Variants in CRIM1 observed in about 807,000 individuals in gnomAD.
CRIM1 encodes the protein cysteine rich transmembrane BMP regulator 1.
CRIM1 carries 32 observed loss-of-function variants against 116.4 expected under a neutral mutation model. The observed-to-expected ratio is 0.27, with a 90% CI of 0.21 to 0.37. The LOEUF is 0.37. Among genes scored for constraint, CRIM1 ranks in the 10% least tolerant of loss-of-function variants. The pLI is 1.00. For synonymous variants in CRIM1, 590 were observed against 509.2 expected (o/e 1.16, Z -2.13); for missense variants, 1,331 against 1,354.8 (o/e 0.98, Z 0.28).
intron 8 of CRIM1, among the ~76,000 whole-genome samples, chr2:36,506,177 TCTCTCACACACACA>T (rs773996229): frequency 4.5e-4 from 39 of 86,306 alleles, no homozygotes; most frequent in African/African-American, 1.2e-3. Context: ...TCTCTCTCTC[TCTCTCACACACACA>T]CACACACACA....
chr2:36,356,645 C>G lies in CRIM1; in HGVS notation c.331+22C>G. ...GAAGGTACGGCCGCCCGCTGCGGGC[C>G]CCCTCCCACCTGGCCTGCGCCGCCC... On this transcript the variant is annotated intron_variant, in intron 1 of 16. Transcript: ENST00000280527. The surrounding 1 kb of genome is among the most constrained non-coding windows in gnomAD (Gnocchi z 4.3). 6.3e-7 allele frequency: 1 copy of G among 1,593,832 alleles called. No individual in the cohort carries two copies. Among genetic ancestry groups the G allele is most frequent in the South Asian group, 1.1e-5 (1 of 88,788 alleles).
At chr2:36,522,814 AAGAAG>A (rs1161305076) in intron 13 of CRIM1, among the ~76,000 whole-genome samples, 2 of 140,572 alleles carry the variant, frequency 1.4e-5, no homozygotes, top group Non-Finnish European at 3.1e-5. Flanking sequence ...AAAAAAAAAA[AAGAAG>A]AAGAAGAAGA....
Position 36,537,403 on chromosome 2 carries a change from C to G in CRIM1, c.2480C>G (p.Ala827Gly). 6.2e-7 allele frequency: 1 copy of G among 1,614,208 alleles called. No homozygotes were observed. The highest frequency in any genetic ancestry group is 2.2e-5 in the East Asian group (1 of 44,890). ...VVCHFSGKAY[A>G]DEERWDLDSC... ...TGCCACTTCAGTGGGAAGGCCTATG[C>G]CGACGAGGAGCGGTGGGACCTTGAC... Residue 827 changes from alanine to glycine, a missense_variant, in exon 14 of 17, where the codon GCC becomes GGC. Physicochemically the swap from Ala to Gly is moderately conservative, Grantham distance 60. Coordinates refer to ENST00000280527, the MANE Select transcript of CRIM1 (RefSeq NM_016441.3).
chr2:36,408,290 T>C (rs1319595840), intron 2 of CRIM1, among the ~76,000 whole-genome samples: 1 of 152,228 alleles, frequency 6.6e-6, no homozygotes, highest in Non-Finnish European at 1.5e-5. Flanking sequence ...ACATGTTCAC[T>C]GCTGGGGTAG....
intron 13 of CRIM1, among the ~76,000 whole-genome samples, chr2:36,529,684 T>C (rs1332663992): frequency 6.6e-6 from 1 of 152,142 alleles, no homozygotes; most frequent in African/African-American, 2.4e-5. Context: ...TACTGAGAAA[T>C]TGTGTCCTCT....
At chr2:36,533,972 G>A (rs146169479) in intron 13 of CRIM1, among the ~76,000 whole-genome samples, 2,541 of 145,512 alleles carry the variant, frequency 0.017, 35 homozygotes, top group Non-Finnish European at 0.026. Context: ...GAGGGAAAGG[G>A]AAGGAAGGAG....
In CRIM1 at chr2:36,537,281, T is replaced by G. The variant is rs1015833985; in HGVS notation, c.2429-71T>G. ...GTGATTATACAAAGCTATCCCTTGATCTCTCACGTCTAATAAGATCGTGTG... is the reference window on the plus strand; with the variant it reads ...GTGATTATACAAAGCTATCCCTTGAGCTCTCACGTCTAATAAGATCGTGTG... On this transcript the variant is annotated intron_variant, in intron 13 of 16. Coordinates refer to ENST00000280527, the MANE Select transcript of CRIM1 (RefSeq NM_016441.3). The G allele has an allele frequency of 1.5e-5, 20 of 1,368,158 alleles. No homozygotes were observed. In the African/African-American group the frequency reaches 2.0e-4, roughly 14 times the overall value. 84.8% of individuals were successfully genotyped at this position (1,368,158 alleles called of 1,614,324 possible).
chr2:36,509,874 G>C lies in CRIM1; in HGVS notation c.1502-109G>C, dbSNP rs1681693948. The C allele has an allele frequency of 3.1e-6, 3 of 957,470 alleles. No homozygotes were observed. The South Asian group carries it at 5.2e-5, about 16-fold the overall frequency. 59.3% of individuals were successfully genotyped at this position (957,470 alleles called of 1,614,324 possible). A position where few individuals can be genotyped will look rare whatever the true frequency, so the allele number is the denominator to read the frequency against. On this transcript the variant is annotated intron_variant, in intron 8 of 16. Transcript: ENST00000280527. ...ATAACCAGTGCCATGGTAGAGCTGA[G>C]AAATTGAGATCTGTGGAAGAGTGGA...
chr2:36,445,270 C>G (rs1379796497), intron 4 of CRIM1, among the ~76,000 whole-genome samples: 1 of 152,184 alleles, frequency 6.6e-6, no homozygotes, highest in Non-Finnish European at 1.5e-5. Flanking sequence ...CCCCCAGTCC[C>G]CACTTTATGG....
rs1005677587 is a variant in CRIM1, at chr2:36,356,222, C to T, written c.-71C>T. The T allele has an allele frequency of 1.1e-5, 9 of 793,546 alleles. No homozygotes were observed. Among genetic ancestry groups the T allele is most frequent in the Non-Finnish European group, 3.4e-6 (2 of 588,528 alleles). The allele number at this position is 793,546 out of a possible 1,614,324, so 49.2% of individuals were successfully genotyped here. On this transcript the variant is annotated 5_prime_UTR_variant, in exon 1 of 17. Coordinates refer to ENST00000280527, the MANE Select transcript of CRIM1 (RefSeq NM_016441.3). This position sits in a 1 kb window ranked among gnomAD's most constrained non-coding sequence, Gnocchi z 4.3. ...GGTGCGGCGGCGGCGGCGCGTGTGC[C>T]CCGCGCAGGGGAGGGCGCCCGCCCC...
At chr2:36,431,929 C>G (rs1292307259) in intron 2 of CRIM1, among the ~76,000 whole-genome samples, 1 of 152,188 alleles carries the variant, frequency 6.6e-6, no homozygotes, top group Non-Finnish European at 1.5e-5. Context: ...TACCGTGTCC[C>G]TTCCTCAGTG....
At chr2:36,519,101 AGGATC>A (rs3836076) in intron 12 of CRIM1, among the ~76,000 whole-genome samples, 43,390 of 151,980 alleles carry the variant, frequency 0.29, 6,512 homozygotes, top group Middle Eastern at 0.43. Context: ...TATTTGTGTT[AGGATC>A]TGAGTGATGA....
intron 5 of CRIM1, among the ~76,000 whole-genome samples, chr2:36,467,022 C>T (rs777742031): frequency 4.6e-5 from 7 of 152,166 alleles, no homozygotes; most frequent in Non-Finnish European, 7.3e-5. Context: ...TACTAATAGC[C>T]GTACCTCCAC....
At chr2:36,468,591 GA>G (rs774752082) in intron 5 of CRIM1, among the ~76,000 whole-genome samples, 18 of 152,192 alleles carry the variant, frequency 1.2e-4, no homozygotes, top group Non-Finnish European at 2.4e-4. Flanking sequence ...TCATCACCTA[GA>G]AATATGACCT....
intron 7 of CRIM1, among the ~76,000 whole-genome samples, chr2:36,481,128 A>G (rs755706301): frequency 7.4e-4 from 112 of 152,254 alleles, no homozygotes; most frequent in Non-Finnish European, 1.1e-3. Flanking sequence ...GTCTTATGTC[A>G]TAAATTCAAA....
At chr2:36,452,402 C>G (rs1333750479) in intron 4 of CRIM1, among the ~76,000 whole-genome samples, 1 of 152,138 alleles carries the variant, frequency 6.6e-6, no homozygotes, top group Non-Finnish European at 1.5e-5. Context: ...AAAAGAACAT[C>G]TATTCTGTTG....
At chr2:36,457,597 G>T (rs1055314058) in intron 4 of CRIM1, among the ~76,000 whole-genome samples, 1 of 151,918 alleles carries the variant, frequency 6.6e-6, no homozygotes, top group African/African-American at 2.4e-5. Flanking sequence ...AGGAGGGTTA[G>T]TTATTCATAC....
At position 36,442,610 on chromosome 2, in the gene CRIM1, T is replaced by C; in HGVS notation, c.749-5T>C. On this transcript the variant is annotated splice_region_variant and splice_polypyrimidine_tract_variant and intron_variant, in intron 3 of 16. Transcript: ENST00000280527. ...AAACGGTGCCTCTCTGTTTGCCCCT[T>C]TCAGTTTTCGGCGTGGACTGCAGGA... 6.2e-7 allele frequency: 1 copy of C among 1,614,138 alleles called. No individual in the cohort carries two copies. Among genetic ancestry groups the C allele is most frequent in the South Asian group, 1.1e-5 (1 of 91,076 alleles).
intron 2 of CRIM1, among the ~76,000 whole-genome samples, chr2:36,411,996 C>G (rs546850707): frequency 1.3e-5 from 2 of 152,142 alleles, no homozygotes; most frequent in Non-Finnish European, 2.9e-5. Context: ...ATCTGCTTCC[C>G]GCACACTAGT....
Sources: allele counts gnomAD v4.1 joint callset (sites outside exome capture counted in the v4.1 genomes callset), GRCh38; gene constraint gnomAD v4.1.1; non-coding constraint Gnocchi (gnomAD v3.1); transcripts MANE v1.5; gene names NCBI Gene and HGNC (gene_info 2026-07-23, HGNC 2026-07-21).